Variants in KLC4 observed in about 807,000 individuals in gnomAD.
The protein encoded by KLC4 is kinesin-like protein 8.
A neutral mutation model predicts 77.2 loss-of-function variants in KLC4; 49 were observed. The ratio of observed to expected loss-of-function variants is 0.63; its 90% CI spans 0.50 to 0.80. The LOEUF is 0.80. KLC4 is among the 30% of genes least tolerant of loss of function. KLC4 has a pLI of 0.00. For missense variants in KLC4, 669 were observed against 793.5 expected (o/e 0.84, Z 1.89); for synonymous variants, 274 against 314.5 (o/e 0.87, Z 1.36).
In KLC4 at chr6:43,073,480, C is replaced by G. The variant is rs1260303199; in HGVS notation, c.1745+142C>G. ...AGCCTGGCCAACAAGGTGAAACTCTCTCCTAAAAATACAAAAATTAGTCGG... is the reference window on the plus strand; with the variant it reads ...AGCCTGGCCAACAAGGTGAAACTCTGTCCTAAAAATACAAAAATTAGTCGG... On this transcript the variant is annotated intron_variant, in intron 14 of 15. Transcript: ENST00000347162. 23 of 570,952 alleles carry G rather than the reference C, an allele frequency of 4.0e-5. No homozygotes were observed. In the Admixed American group the frequency reaches 6.9e-4, roughly 17 times the overall value. The allele number at this position is 570,952 out of a possible 1,614,324, so 35.4% of individuals were successfully genotyped here.
At position 43,070,458 on chromosome 6, in the gene KLC4, A is replaced by C; in HGVS notation, c.981+3A>C. 1 of 1,602,444 alleles carries C rather than the reference A, an allele frequency of 6.2e-7. No individual in the cohort carries two copies. The highest frequency in any genetic ancestry group is 8.6e-7 in the Non-Finnish European group (1 of 1,169,554). On this transcript the variant is annotated splice_donor_region_variant and intron_variant, in intron 7 of 15. Transcript: ENST00000347162. Reference sequence around the variant, plus strand: ...GGGCACTGGAGATTCGAGAAAAGGTACCCATGCCCTCTCTCCCTTCTTCTC... The same window carrying C: ...GGGCACTGGAGATTCGAGAAAAGGTCCCCATGCCCTCTCTCCCTTCTTCTC...
intron 6 of KLC4, among the ~76,000 whole-genome samples, chr6:43,068,099 G>A (rs1282571328): frequency 5.7e-5 from 4 of 70,638 alleles, no homozygotes; most frequent in Admixed American, 4.0e-4. Context: ...GCGACAGAGC[G>A]AGACTCCGTC....
intron 8 of KLC4, 46 bp from the exon 9 acceptor site, chr6:43,071,229 C>T (rs2150358085): frequency 8.9e-7 from 1 of 1,125,552 alleles, no homozygotes; most frequent in Non-Finnish European, 1.3e-6. Context: ...AAGACCTTGC[C>T]TCCCTCCATG....
At chr6:43,068,833 C>T (rs1296514858) in intron 6 of KLC4, among the ~76,000 whole-genome samples, 6 of 151,646 alleles carry the variant, frequency 4.0e-5, no homozygotes, top group South Asian at 4.2e-4. Context: ...AGCGGCCCAG[C>T]GCTGTGGCTC....
intron 10 of KLC4, 65 bp downstream of exon 10, chr6:43,071,684 T>C (rs1765739149): frequency 6.5e-7 from 1 of 1,539,548 alleles, no homozygotes; most frequent in Admixed American, 1.7e-5. Flanking sequence ...GTCTTACTCC[T>C]TGCATTAGCC....
intron 1 of KLC4, chr6:43,059,914 G>A: frequency 7.9e-7 from 1 of 1,263,230 alleles, no homozygotes. Flanking sequence ...GGGGTCGTTA[G>A]GCCTCCACGT....
At chr6:43,060,553 T>C in intron 1 of KLC4, 1 of 1,247,208 alleles carries the variant, frequency 8.0e-7, no homozygotes, top group Non-Finnish European at 1.0e-6. Flanking sequence ...CAGAACAGTT[T>C]CTTCCGTGCT....
Position 43,074,944 on chromosome 6 carries a change from A to T in KLC4, c.*272A>T, listed in dbSNP as rs1410396938. ...GGTACAAAGCAGGTATGGCCCTCAG[A>T]GATGCAGCCTGCTGCTGGCTTTTCA... On this transcript the variant is annotated 3_prime_UTR_variant, in exon 16 of 16. Coordinates refer to ENST00000347162, the MANE Select transcript of KLC4 (RefSeq NM_201521.3). 8.9e-6 allele frequency: 4 copies of T among 451,354 alleles called. No homozygotes were observed. The highest frequency in any genetic ancestry group is 1.6e-5 in the Non-Finnish European group (4 of 249,238). 28.0% of individuals were successfully genotyped at this position (451,354 alleles called of 1,614,324 possible).
intron 8 of KLC4, 38 bp downstream of exon 8, chr6:43,070,903 G>GA: frequency 1.7e-6 from 1 of 577,950 alleles, no homozygotes; most frequent in Non-Finnish European, 2.8e-6. Context: ...AAGAAACGGA[G>GA]AGGGGGGCAC....
chr6:43,074,325 T>TC (rs1765872012), intron 15 of KLC4: 1 of 484,122 alleles, frequency 2.1e-6, no homozygotes, highest in Admixed American at 3.7e-5. Context: ...TATTAAATAA[T>TC]CCCCATCTGA....
chr6:43,070,190 G>A (rs1765649149), intron 6 of KLC4, among the ~76,000 whole-genome samples, 164 bp from the exon 7 acceptor site: 1 of 151,940 alleles, frequency 6.6e-6, no homozygotes, highest in Non-Finnish European at 1.5e-5. Context: ...GAGCCATCCT[G>A]TTCAGCAATT....
chr6:43,065,745 A>G, intron 4 of KLC4, 44 bp downstream of exon 4: 1 of 1,394,686 alleles, frequency 7.2e-7, no homozygotes, highest in Non-Finnish European at 1.0e-6. Context: ...GGGCAGCAGG[A>G]GGCTGGCCCT....
chr6:43,066,068 G>C (rs1166174513), intron 4 of KLC4, among the ~76,000 whole-genome samples: 1 of 151,864 alleles, frequency 6.6e-6, no homozygotes, highest in East Asian at 1.9e-4. Flanking sequence ...AACATCCCTT[G>C]GTTCATACTT....
At chr6:43,067,425 G>A in intron 6 of KLC4, 1 of 321,230 alleles carries the variant, frequency 3.1e-6, no homozygotes, top group Non-Finnish European at 5.5e-6. Context: ...TATATACAAT[G>A]TAATATAATA....
At chr6:43,066,231 ATGC>A in intron 4 of KLC4, 72 bp from the exon 5 acceptor site, 1 of 1,233,874 alleles carries the variant, frequency 8.1e-7, no homozygotes, top group Non-Finnish European at 1.2e-6. Context: ...GGAACAAGAC[ATGC>A]AATGGGGAGT....
intron 2 of KLC4, 70 bp from the exon 3 acceptor site, chr6:43,062,847 A>T: frequency 7.5e-7 from 1 of 1,324,874 alleles, no homozygotes; most frequent in Non-Finnish European, 1.1e-6. Flanking sequence ...ACGTCCCAGT[A>T]GGCTCCCCTT....
At chr6:43,068,043 C>T (rs1447233554) in intron 6 of KLC4, among the ~76,000 whole-genome samples, 2 of 80,708 alleles carry the variant, frequency 2.5e-5, no homozygotes. Context: ...ACCCGGGAGG[C>T]GGAGCTTGCA....
Position 43,062,924 on chromosome 6 carries a change from T to C in KLC4, c.266T>C (p.Leu89Pro), listed in dbSNP as rs776555850. Residue 89 changes from leucine to proline, a missense_variant, in exon 3 of 16, where the codon CTG (leucine) becomes CCG (proline). Coordinates refer to ENST00000347162, the MANE Select transcript of KLC4 (RefSeq NM_201521.3). ...GGGGATGTGCCCACCTAGGTGATGC[T>C]GGCTCTAGCCAGCCACCTGAGCACA... Reference protein sequence around the residue: ...ELGLSEAQVMLALASHLSTVE... With the variant: ...ELGLSEAQVMPALASHLSTVE... The C allele has an allele frequency of 1.2e-6, 2 of 1,614,088 alleles. No individual in the cohort carries two copies. Among genetic ancestry groups the C allele is most frequent in the African/African-American group, 1.3e-5 (1 of 75,048 alleles).
chr6:43,070,095 C>CAAAAA (rs1160489881), intron 6 of KLC4, among the ~76,000 whole-genome samples: 3 of 79,412 alleles, frequency 3.8e-5, no homozygotes, highest in African/African-American at 1.0e-4. Flanking sequence ...ACAACAACAA[C>CAAAAA]AAAAAAAAAA....
Sources: gnomAD v4.1 joint callset for allele counts (sites outside exome capture counted in the v4.1 genomes callset) on GRCh38, gnomAD v4.1.1 for gene constraint, MANE v1.5 for transcripts, NCBI Gene and HGNC (gene_info 2026-07-23, HGNC 2026-07-21) for gene names.